WDR72: variants seen among roughly 807,000 people sequenced by gnomAD.
WDR72 encodes the protein WD repeat-containing protein 72.
A neutral mutation model predicts 124.2 loss-of-function variants in WDR72; 120 were observed. The observed-to-expected ratio is 0.97, with a 90% CI of 0.83 to 1.12. WDR72 has a LOEUF of 1.12. WDR72 is among the 50% of genes most tolerant of loss of function. WDR72 has a pLI of 0.00. For missense variants in WDR72, 1,387 were observed against 1,278.8 expected, an observed-to-expected ratio of 1.08 and a Z score of -1.29; for synonymous variants, 452 against 441.7, an observed-to-expected ratio of 1.02 and a Z score of -0.29.
intron 9 of WDR72, among the ~76,000 whole-genome samples, 190 bp downstream of exon 9, chr15:53,710,667 A>G (rs2017507360): frequency 6.6e-6 from 1 of 152,220 alleles, no homozygotes; most frequent in African/African-American, 2.4e-5. Flanking sequence ...AGACTTAAAC[A>G]TAGCAGATTT....
intron 2 of WDR72, among the ~76,000 whole-genome samples, chr15:53,727,239 A>AAG (rs1023737795): frequency 2.6e-5 from 4 of 151,752 alleles, no homozygotes; most frequent in Admixed American, 2.6e-4. Flanking sequence ...AAAAAAAAAA[A>AAG]AAAAGACCAA....
At chr15:53,701,923 T>C (rs1461097551) in intron 12 of WDR72, among the ~76,000 whole-genome samples, 19 of 152,092 alleles carry the variant, frequency 1.2e-4, no homozygotes, top group Admixed American at 1.2e-3. Flanking sequence ...TAGAGCCAAA[T>C]TATCCGTCTA....
At chr15:53,652,885 T>C (rs1008762176) in intron 14 of WDR72, among the ~76,000 whole-genome samples, 1 of 152,198 alleles carries the variant, frequency 6.6e-6, no homozygotes, top group East Asian at 1.9e-4. Flanking sequence ...ATGCTGGGCA[T>C]ACTAAGTTTT....
chr15:53,749,584 CT>C (rs978608297), intron 1 of WDR72, among the ~76,000 whole-genome samples: 1 of 152,106 alleles, frequency 6.6e-6, no homozygotes, highest in Admixed American at 6.6e-5. Context: ...AAGAGTTGCA[CT>C]TTTCTCACCT....
At chr15:53,619,553 C>G (rs1008330484) in intron 14 of WDR72, among the ~76,000 whole-genome samples, 4 of 151,946 alleles carry the variant, frequency 2.6e-5, no homozygotes, top group Admixed American at 2.6e-4. Context: ...TATTTTTATT[C>G]TCTTCTTGTG....
Position 53,616,038 on chromosome 15 carries a change from T to G in WDR72, c.2168A>C (p.Lys723Thr), listed in dbSNP as rs1204180907. ...LRRAKSTVEK[K>T]TLTLRKSKTA... ...TTTACTTTTTCTCAGTGTCAGTGTC[T>G]TCTTCTCCACTGTGCTCTTGGCTCT... Residue 723 changes from lysine (K) to threonine (T), a missense_variant, in exon 15 of 20, where the codon AAG (lysine) becomes ACG (threonine). Lys to Thr is a moderately conservative substitution (Grantham distance 78). Transcript: ENST00000360509. 1.9e-6 allele frequency: 3 copies of G among 1,612,956 alleles called. No individual in the cohort carries two copies. The highest frequency in any genetic ancestry group is 2.2e-5 in the South Asian group (2 of 91,018).
At chr15:53,649,846 A>G (rs1159513335) in intron 14 of WDR72, among the ~76,000 whole-genome samples, 2 of 152,154 alleles carry the variant, frequency 1.3e-5, no homozygotes, top group African/African-American at 4.8e-5. Flanking sequence ...CACTGTGGGT[A>G]GAAATGCAAT....
intron 18 of WDR72, among the ~76,000 whole-genome samples, chr15:53,565,192 G>A (rs1223820146): frequency 6.6e-6 from 1 of 151,758 alleles, no homozygotes; most frequent in Non-Finnish European, 1.5e-5. Flanking sequence ...CATGAGAAAG[G>A]GAGCCCTTGG....
intron 18 of WDR72, among the ~76,000 whole-genome samples, chr15:53,547,351 C>T (rs1036152770): frequency 2.0e-5 from 3 of 152,156 alleles, no homozygotes; most frequent in Admixed American, 6.5e-5. Context: ...AGGCTGGTCT[C>T]GAACTCCCAA....
intron 18 of WDR72, among the ~76,000 whole-genome samples, chr15:53,577,565 A>G (rs1762280539): frequency 6.6e-6 from 1 of 152,182 alleles, no homozygotes; most frequent in African/African-American, 2.4e-5. Flanking sequence ...GCACTGCTTT[A>G]TAATGGATAT....
At chr15:53,614,782 T>C (rs1214630837) in intron 15 of WDR72, among the ~76,000 whole-genome samples, 1 of 151,910 alleles carries the variant, frequency 6.6e-6, no homozygotes, top group South Asian at 2.1e-4. Context: ...ATTTTGTAAA[T>C]GAGGAAAGTA....
At chr15:53,663,091 A>AAAATAAATAAATAAAT (rs200989036) in intron 14 of WDR72, among the ~76,000 whole-genome samples, 120 of 148,036 alleles carry the variant, frequency 8.1e-4, no homozygotes, top group African/African-American at 2.8e-3. Context: ...CCTGCCTCTA[A>AAAATAAATAAATAAAT]AAATAAATAA....
At chr15:53,692,795 T>C (rs2016884334) in intron 13 of WDR72, among the ~76,000 whole-genome samples, 1 of 152,038 alleles carries the variant, frequency 6.6e-6, no homozygotes, top group Non-Finnish European at 1.5e-5. Flanking sequence ...ATTCAAAAAA[T>C]GGTCAGTAAA....
chr15:53,687,206 A>G lies in WDR72; in HGVS notation c.1765+12544T>C, dbSNP rs1308549569. ...AGCTAGCAGAAGGCAAGAAATAACT[A>G]AAATCAGAGCAGAACTGAAGGAAAT... On this transcript the variant is annotated intron_variant, in intron 13 of 19. Coordinates refer to ENST00000360509, the MANE Select transcript of WDR72 (RefSeq NM_182758.4). 1.3e-5 allele frequency among the ~76,000 whole-genome samples: 2 copies of G among 148,482 alleles called. 1 individual carries two copies. The highest frequency in any genetic ancestry group is 3.0e-5 in the Non-Finnish European group (2 of 67,390).
intron 14 of WDR72, among the ~76,000 whole-genome samples, chr15:53,659,620 A>G (rs1462043620): frequency 1.3e-5 from 2 of 152,080 alleles, no homozygotes; most frequent in African/African-American, 4.8e-5. Context: ...TTTCTTCATG[A>G]TTGAGGTAAT....
At chr15:53,540,702 C>T (rs765986837) in intron 18 of WDR72, among the ~76,000 whole-genome samples, 17 of 152,086 alleles carry the variant, frequency 1.1e-4, no homozygotes, top group African/African-American at 3.1e-4. Context: ...ACGCAGAAGA[C>T]GGGTGATTTC....
intron 14 of WDR72, among the ~76,000 whole-genome samples, chr15:53,629,480 A>C (rs1689860309): frequency 1.5e-5 from 2 of 133,588 alleles, no homozygotes; most frequent in South Asian, 4.2e-4. Context: ...TTATGGAAGA[A>C]AAAAAAAGTA....
Position 53,541,282 on chromosome 15 carries a change from G to C in WDR72, c.3149-17960C>G, listed in dbSNP as rs71217403. Among the ~76,000 whole-genome samples the C allele has an allele frequency of 1.6e-4, 24 of 152,260 alleles. No homozygotes were observed. In the East Asian group the frequency reaches 2.3e-3, roughly 15 times the overall value. On this transcript the variant is annotated intron_variant, in intron 18 of 19. Coordinates refer to ENST00000360509, the MANE Select transcript of WDR72 (RefSeq NM_182758.4). ...AAGAGAGCAGTGGTTCTCCCAGTAC[G>C]CAGCTGGAGATCTGAGAACGGGCAG...
chr15:53,533,723 G>C (rs957793489), intron 18 of WDR72, among the ~76,000 whole-genome samples: 10 of 152,118 alleles, frequency 6.6e-5, no homozygotes, highest in Non-Finnish European at 1.5e-5. Context: ...CCCTGGATAT[G>C]CCATTTATTT....
Sources: allele counts gnomAD v4.1 joint callset (sites outside exome capture counted in the v4.1 genomes callset), GRCh38; gene constraint gnomAD v4.1.1; transcripts MANE v1.5; gene names NCBI Gene and HGNC (gene_info 2026-07-23, HGNC 2026-07-21).